Variants in ZNF577 observed in about 807,000 individuals in gnomAD.
ZNF577 encodes the protein zinc finger protein 577.
A neutral mutation model predicts 13.9 loss-of-function variants in ZNF577; 14 were observed. That is an observed-to-expected ratio of 1.00 (90% CI 0.66 to 1.57). The LOEUF (loss-of-function observed/expected upper bound fraction) is 1.57, where lower values mean the gene tolerates loss of function less well. Among genes scored for constraint, ZNF577 ranks in the 40% most tolerant of loss-of-function variants. The pLI is 0.00. For missense variants in ZNF577, 555 were observed against 579.2 expected, an observed-to-expected ratio of 0.96 and a Z score of 0.43; for synonymous variants, 203 against 202.9, an observed-to-expected ratio of 1.00 and a Z score of 0.00.
intron 3 of ZNF577, among the ~76,000 whole-genome samples, chr19:51,879,366 G>C (rs1022979625): frequency 6.6e-6 from 1 of 151,756 alleles, no homozygotes; most frequent in Non-Finnish European, 1.5e-5. Context: ...TCAGGAGTTC[G>C]AGACCAGCCT....
At chr19:51,876,979 C>A (rs912275164) in intron 5 of ZNF577, among the ~76,000 whole-genome samples, 41 of 150,026 alleles carry the variant, frequency 2.7e-4, no homozygotes, top group Non-Finnish European at 4.7e-4. Context: ...AGGGGAATTT[C>A]AAAGCAAGTA....
chr19:51,857,333 GGAGAGAAAGAAA>G (rs1268729636), intron 5 of ZNF577, among the ~76,000 whole-genome samples: 1 of 130,246 alleles, frequency 7.7e-6, no homozygotes, highest in Non-Finnish European at 1.6e-5. Flanking sequence ...AAAGGAGAAA[GGAGAGAAAGAAA>G]GAGAGAAAGA....
intron 10 of ZNF577, among the ~76,000 whole-genome samples, chr19:51,806,785 C>T (rs1211548386): frequency 6.6e-6 from 1 of 152,208 alleles, no homozygotes; most frequent in Non-Finnish European, 1.5e-5. Flanking sequence ...ATGTACCATG[C>T]AGCATATGAG....
At chr19:51,861,769 A>G (rs1377955052) in intron 5 of ZNF577, 2 of 152,580 alleles carry the variant, frequency 1.3e-5, no homozygotes, top group Non-Finnish European at 2.9e-5. Context: ...GAGTTTACAA[A>G]GTAGCGAATG....
chr19:51,880,652 C>T (rs1337017693), intron 2 of ZNF577, 27 bp downstream of exon 2: 6 of 478,248 alleles, frequency 1.3e-5, no homozygotes, highest in Admixed American at 3.6e-5. Context: ...GGGAAACAAA[C>T]GACAAAATAG....
intron 5 of ZNF577, among the ~76,000 whole-genome samples, chr19:51,845,644 C>A (rs2084347747): frequency 6.6e-6 from 1 of 152,156 alleles, no homozygotes; most frequent in Non-Finnish European, 1.5e-5. Context: ...CCTCCCCCAG[C>A]CTTGGTAACC....
chr19:51,813,409 A>G (rs562431101), intron 9 of ZNF577, among the ~76,000 whole-genome samples: 1 of 151,754 alleles, frequency 6.6e-6, no homozygotes, highest in Admixed American at 6.6e-5. Context: ...AACCTCATTT[A>G]TATTTTTATT....
intron 9 of ZNF577, among the ~76,000 whole-genome samples, chr19:51,822,065 A>G (rs77584775): frequency 6.4e-4 from 98 of 152,330 alleles, no homozygotes; most frequent in African/African-American, 2.3e-3. Context: ...AGACCACAGT[A>G]TAAGCAAATT....
At chr19:51,876,798 G>A (rs375863199) in intron 5 of ZNF577, among the ~76,000 whole-genome samples, 5 of 151,902 alleles carry the variant, frequency 3.3e-5, no homozygotes, top group South Asian at 2.1e-4. Context: ...CCTGGTGGCC[G>A]GCACCTGTAA....
chr19:51,857,362 G>T (rs575387091), intron 5 of ZNF577, among the ~76,000 whole-genome samples: 34 of 96,662 alleles, frequency 3.5e-4, no homozygotes, highest in Non-Finnish European at 5.2e-4. Context: ...AAGAAAGAAG[G>T]AAGGAAAGAA....
intron 5 of ZNF577, among the ~76,000 whole-genome samples, chr19:51,857,426 G>GAAAGAGAAAGAA (rs1555745840): frequency 6.2e-5 from 6 of 96,776 alleles, no homozygotes; most frequent in Non-Finnish European, 1.0e-4. Flanking sequence ...AAGAAAGAAA[G>GAAAGAGAAAGAA]AAAAGAAAAA....
At chr19:51,844,560 A>T (rs1017427424) in intron 6 of ZNF577, among the ~76,000 whole-genome samples, 6 of 152,196 alleles carry the variant, frequency 3.9e-5, no homozygotes, top group African/African-American at 1.4e-4. Flanking sequence ...GCAATTGTCT[A>T]ATTATTAGCA....
chr19:51,886,762 A>C (rs1331016704), intron 1 of ZNF577, 59 bp downstream of exon 1: 13 of 152,356 alleles, frequency 8.5e-5, no homozygotes, highest in Non-Finnish European at 4.4e-5. Context: ...ATTCCATGAA[A>C]AAGAAACTAT....
At chr19:51,857,430 A>AAAGAAAGAAAG (rs1568442307) in intron 5 of ZNF577, among the ~76,000 whole-genome samples, 1 of 141,300 alleles carries the variant, frequency 7.1e-6, no homozygotes, top group African/African-American at 2.6e-5. Flanking sequence ...AAGAAAGAAA[A>AAAGAAAGAAAG]GAAAAAACAA....
intron 9 of ZNF577, among the ~76,000 whole-genome samples, chr19:51,821,447 T>TA (rs1421994467): frequency 6.6e-6 from 1 of 152,104 alleles, no homozygotes; most frequent in Non-Finnish European, 1.5e-5. Context: ...TGTTGCTAAA[T>TA]ATCCTACTGT....
At position 51,872,548 on chromosome 19, in the gene ZNF577, T is replaced by C. The variant is rs1460292646; in HGVS notation, c.1442A>G (p.Asp481Gly). ...SVINYILYLT[D>G]IVSE ...TCAGAAGATTTATTCTGATACAATA[T>C]CTGTAAGATACAAGATATAATTTAT... The change falls in exon 6 of 6, where the codon GAT (aspartate) becomes GGT (glycine). Residue 481 changes from aspartate to glycine, a missense_variant. By Grantham distance (94) the Asp-to-Gly change is moderately conservative. Transcript: ENST00000638348. 5 of 1,587,096 alleles carry C rather than the reference T, an allele frequency of 3.2e-6. No individual in the cohort carries two copies. Among genetic ancestry groups the C allele is most frequent in the Non-Finnish European group, 4.3e-6 (5 of 1,168,216 alleles).
intron 6 of ZNF577, chr19:51,843,443 T>A (rs1424945515): frequency 6.6e-6 from 1 of 152,218 alleles, no homozygotes; most frequent in East Asian, 1.9e-4. Flanking sequence ...CTGTGCCTAG[T>A]TTTGGTTTGC....
intron 5 of ZNF577, among the ~76,000 whole-genome samples, chr19:51,854,359 A>G (rs1318901792): frequency 2.0e-5 from 3 of 151,386 alleles, no homozygotes; most frequent in African/African-American, 7.3e-5. Context: ...ACAGGATCTC[A>G]CTCTTGTCAC....
At chr19:51,814,006 C>G (rs1293587324) in intron 9 of ZNF577, among the ~76,000 whole-genome samples, 1 of 152,198 alleles carries the variant, frequency 6.6e-6, no homozygotes, top group Non-Finnish European at 1.5e-5. Flanking sequence ...GATGGTGAAG[C>G]AAAGGGCTTA....
Sources: allele counts gnomAD v4.1 joint callset (sites outside exome capture counted in the v4.1 genomes callset), GRCh38; gene constraint gnomAD v4.1.1; transcripts MANE v1.5; gene names NCBI Gene and HGNC (gene_info 2026-07-23, HGNC 2026-07-21).